SRPK2: variants seen among roughly 807,000 people sequenced by gnomAD.
SRPK2 encodes SFRS protein kinase 2.
SRPK2 carries 21 observed loss-of-function variants against 90.8 expected under a neutral mutation model. The ratio of observed to expected loss-of-function variants is 0.23; its 90% confidence interval spans 0.16 to 0.33. The LOEUF is 0.33. SRPK2 is among the 10% of genes least tolerant of loss of function. SRPK2 has a pLI of 1.00. For missense variants in SRPK2, 620 were observed against 869.0 expected (o/e 0.71, Z 3.60); for synonymous variants, 288 against 311.1 (o/e 0.93, Z 0.78).
At chr7:105,273,010 T>TA (rs909750431) in intron 2 of SRPK2, among the ~76,000 whole-genome samples, 1 of 151,920 alleles carries the variant, frequency 6.6e-6, no homozygotes, top group African/African-American at 2.4e-5. Flanking sequence ...GGTCAGGAGA[T>TA]AGAGACCATC....
chr7:105,331,123 G>A (rs1021765004), intron 2 of SRPK2, among the ~76,000 whole-genome samples: 5 of 151,886 alleles, frequency 3.3e-5, no homozygotes, highest in African/African-American at 1.2e-4. Context: ...CCATCATGGT[G>A]AAACCCCATC....
At chr7:105,219,219 T>C (rs1433571683) in intron 2 of SRPK2, among the ~76,000 whole-genome samples, 1 of 152,078 alleles carries the variant, frequency 6.6e-6, no homozygotes, top group East Asian at 1.9e-4. Flanking sequence ...ACGGAACATT[T>C]TGGAGACACT....
chr7:105,375,358 T>A (rs920266049), intron 2 of SRPK2, among the ~76,000 whole-genome samples: 1 of 151,300 alleles, frequency 6.6e-6, no homozygotes, highest in African/African-American at 2.4e-5. Context: ...GGTATGGGGG[T>A]ATAAGAGAGC....
intron 3 of SRPK2, among the ~76,000 whole-genome samples, chr7:105,180,752 T>C (rs1256804931): frequency 6.6e-6 from 1 of 152,154 alleles, no homozygotes; most frequent in South Asian, 2.1e-4. Context: ...AGCAAGACTT[T>C]GTCTCAACAA....
intron 11 of SRPK2, among the ~76,000 whole-genome samples, chr7:105,136,157 G>T (rs1401451979): frequency 6.6e-6 from 1 of 152,150 alleles, no homozygotes; most frequent in Non-Finnish European, 1.5e-5. Flanking sequence ...TCCTGGTTCG[G>T]GTTTGTAAAC....
At chr7:105,250,694 G>A (rs1468380261) in intron 2 of SRPK2, among the ~76,000 whole-genome samples, 4 of 152,042 alleles carry the variant, frequency 2.6e-5, no homozygotes, top group Non-Finnish European at 1.5e-5. Flanking sequence ...AATATTTTTT[G>A]GAAAATGCTT....
rs374726816 is a variant in SRPK2 at position 105,348,485 on chromosome 7, C to T, written c.71+40163G>A. Among the ~76,000 whole-genome samples the T allele has an allele frequency of 2.8e-4, 42 of 148,468 alleles. 1 individual carries two copies. In the South Asian group the frequency reaches 8.8e-3, roughly 31 times the overall value. On this transcript the variant is annotated intron_variant, in intron 2 of 15. Transcript: ENST00000393651. ...TGTTGCCCAGGCTGGAGTGCAATGG[C>T]ATGATCACGGCTCACTGCAACCTCC...
chr7:105,168,607 T>C (rs1350396570), intron 4 of SRPK2, among the ~76,000 whole-genome samples: 1 of 152,062 alleles, frequency 6.6e-6, no homozygotes, highest in African/African-American at 2.4e-5. Flanking sequence ...TTTTATGTTT[T>C]GTTTTGTTTT....
chr7:105,365,585 C>T (rs1818950401), intron 2 of SRPK2, among the ~76,000 whole-genome samples: 1 of 149,514 alleles, frequency 6.7e-6, no homozygotes, highest in Admixed American at 6.7e-5. Context: ...GAGGTCAAGG[C>T]AGGAGAATCG....
At chr7:105,185,038 C>T (rs1337327990) in intron 3 of SRPK2, among the ~76,000 whole-genome samples, 3 of 152,020 alleles carry the variant, frequency 2.0e-5, no homozygotes, top group Non-Finnish European at 4.4e-5. Flanking sequence ...AACTTTAGTA[C>T]GTGAACTTGG....
intron 8 of SRPK2, 116 bp downstream of exon 8, chr7:105,146,377 A>T: frequency 2.0e-6 from 2 of 1,016,158 alleles, no homozygotes; most frequent in Non-Finnish European, 2.8e-6. Flanking sequence ...TCCAGCAATT[A>T]AACTTTTCCA....
intron 2 of SRPK2, among the ~76,000 whole-genome samples, chr7:105,348,983 T>C (rs1267498746): frequency 5.3e-5 from 8 of 150,532 alleles, no homozygotes; most frequent in Non-Finnish European, 8.9e-5. Context: ...CCATCTCTAC[T>C]AAAAATACAA....
At chr7:105,280,454 A>G (rs2130801843) in intron 2 of SRPK2, among the ~76,000 whole-genome samples, 2 of 151,804 alleles carry the variant, frequency 1.3e-5, no homozygotes, top group South Asian at 2.1e-4. Context: ...TTAAGATGTT[A>G]TTATTTATTT....
chr7:105,298,758 G>A, intron 2 of SRPK2: 1 of 985,614 alleles, frequency 1.0e-6, no homozygotes, highest in Non-Finnish European at 1.2e-6. Context: ...GGAGACAGCA[G>A]AGGCACAGGG....
Position 105,203,615 on chromosome 7 carries a change from C to T in SRPK2, c.229+13G>A, listed in dbSNP as rs1239937050. 6.8e-7 allele frequency: 1 copy of T among 1,475,586 alleles called. No individual in the cohort carries two copies. The highest frequency in any genetic ancestry group is 9.0e-7 in the Non-Finnish European group (1 of 1,115,006). The allele number at this position is 1,475,586 out of a possible 1,614,324, so 91.4% of individuals were successfully genotyped here. A position where few individuals can be genotyped will look rare whatever the true frequency, so the allele number is the denominator to read the frequency against. On this transcript the variant is annotated intron_variant, in intron 3 of 15. Coordinates refer to ENST00000393651, the MANE Select transcript of SRPK2 (RefSeq NM_182692.3). ...GGAAGGCAAGCCCCACACCACCATG[C>T]TTGGCACATCACCTTTGCAGTAGTC...
chr7:105,200,655 A>G (rs977304642), intron 3 of SRPK2, among the ~76,000 whole-genome samples: 2 of 152,202 alleles, frequency 1.3e-5, no homozygotes, highest in Non-Finnish European at 2.9e-5. Context: ...ATCAACTCCA[A>G]TGGAATAAAT....
chr7:105,248,469 T>C (rs979894398), intron 2 of SRPK2, among the ~76,000 whole-genome samples: 2 of 143,378 alleles, frequency 1.4e-5, no homozygotes, highest in Admixed American at 7.0e-5. Flanking sequence ...TCAGGCATGG[T>C]GGTGTGCACC....
intron 2 of SRPK2, among the ~76,000 whole-genome samples, chr7:105,386,560 C>CA (rs912699669): frequency 6.7e-5 from 10 of 149,680 alleles, no homozygotes; most frequent in East Asian, 2.0e-4. Flanking sequence ...CTAAAAAATA[C>CA]AAAAAAAATA....
At chr7:105,115,483 T>C (rs1346574990), downstream of SRPK2, 1 of 152,186 alleles carries the variant, frequency 6.6e-6, no homozygotes, top group Non-Finnish European at 1.5e-5. Flanking sequence ...CTTGTCATTT[T>C]CCATGAAGAT....
Sources: allele counts gnomAD v4.1 joint callset (sites outside exome capture counted in the v4.1 genomes callset), GRCh38; gene constraint gnomAD v4.1.1; transcripts MANE v1.5; gene names NCBI Gene and HGNC (gene_info 2026-07-23, HGNC 2026-07-21).